The following HELZ2 variants were observed in gnomAD, a reference collection of about 807,000 sequenced individuals.
HELZ2 encodes the protein helicase with zinc finger 2.
In HELZ2, 143 loss-of-function variants were observed where a neutral mutation model predicts 208.8. That is an observed-to-expected ratio of 0.68 (90% CI 0.60 to 0.79). HELZ2 has a LOEUF of 0.79. HELZ2 is among the 30% of genes least tolerant of loss of function. HELZ2 has a pLI of 0.00. For missense variants in HELZ2, 3,690 were observed against 3,794.5 expected (o/e 0.97, Z 0.72); for synonymous variants, 1,705 against 1,693.7 (o/e 1.01, Z -0.16).
At chr20:63,564,291 C>A (rs557874989) in exon 8 of HELZ2, 13 of 1,608,440 alleles carry the variant, frequency 8.1e-6, no homozygotes, top group Non-Finnish European at 1.1e-5. Context: ...CCGTCCTCGT[C>A]CGGCTGCTCA....
At chr20:63,563,145 G>A (rs1353054521) in exon 8 of HELZ2, 7 of 1,594,110 alleles carry the variant, frequency 4.4e-6, no homozygotes, top group South Asian at 1.1e-5. Context: ...AGGAAGCCGT[G>A]CTGCAGGCTG....
chr20:63,572,289 C>A, exon 1 of HELZ2: 1 of 1,586,080 alleles, frequency 6.3e-7, no homozygotes, highest in Non-Finnish European at 8.6e-7. Context: ...GGGGGCTGGC[C>A]AAGGGGGGCC....
At position 63,562,040 on chromosome 20, in the gene HELZ2, G is replaced by A. The variant is rs1008417203; in HGVS notation, c.6529+32C>T. 4.4e-6 allele frequency: 7 copies of A among 1,603,204 alleles called. No homozygotes were observed. In the Admixed American group the frequency reaches 8.4e-5, roughly 19 times the overall value. ...ACCCTGTGGGTCCCTGTGGCCCAAGGCAGCCTGCGGCTCCCCCGGCATGGG... is the reference window on the plus strand; with the variant it reads ...ACCCTGTGGGTCCCTGTGGCCCAAGACAGCCTGCGGCTCCCCCGGCATGGG... On this transcript the variant is annotated intron_variant, in intron 10 of 18. Transcript: ENST00000467148.
chr20:63,559,300 G>A lies in HELZ2; in HGVS notation c.7896C>T (p.Thr2632=), dbSNP rs753726922. 19 of 1,598,394 alleles carry A rather than the reference G, an allele frequency of 1.2e-5. No individual in the cohort carries two copies. In the African/African-American group the frequency reaches 2.0e-4, roughly 17 times the overall value. The change falls in exon 19 of 19, where the codon ACC becomes ACT. Residue 2632 remains threonine (T), a synonymous_variant. Coordinates refer to ENST00000467148, the Ensembl canonical transcript of HELZ2. ...CGCGCACCTGGCCGGCAGGCACGAG[G>A]GTCTGCTGAGCCTCGCAGAAGTCCA... is the stretch of plus-strand genomic sequence containing the variant.
rs768023942 is a variant in HELZ2 at position 63,566,109 on chromosome 20, C to T, written c.2713G>A (p.Ala905Thr). 3.5e-5 allele frequency: 55 copies of T among 1,583,840 alleles called. No homozygotes were observed. The highest frequency in any genetic ancestry group is 4.2e-5 in the Non-Finnish European group (49 of 1,171,852). Residue 905 changes from alanine (A) to threonine (T), a missense_variant, in exon 8 of 19, where the codon GCC becomes ACC. This residue lies in a region of HELZ2 where 2,564 missense variants were observed against 2,580.5 expected (regional missense o/e 0.99). Coordinates refer to ENST00000467148, the Ensembl canonical transcript of HELZ2. ...CCCACTACCACCAGCTGGGACTGGGCGCGGGTCAGGACGGTGTTGAGCACG... is the reference window on the plus strand; with the variant it reads ...CCCACTACCACCAGCTGGGACTGGGTGCGGGTCAGGACGGTGTTGAGCACG...
At chr20:63,566,881 T>A in exon 6 of HELZ2, 2 of 1,606,262 alleles carry the variant, frequency 1.2e-6, no homozygotes, top group Non-Finnish European at 1.7e-6. Flanking sequence ...GCACCTCTGC[T>A]CGCGGCCGCC....
chr20:63,559,527 A>G (rs113836942), intron 18 of HELZ2, among the ~76,000 whole-genome samples, 157 bp from the exon 20 acceptor site: 3,612 of 19,288 alleles, frequency 0.19, 298 homozygotes, highest in East Asian at 0.61. Flanking sequence ...AGTCAGTCAG[A>G]GTCAGGTGGG....
chr20:63,573,776 G>A (rs1389178315), upstream of HELZ2, among the ~76,000 whole-genome samples: 2 of 152,108 alleles, frequency 1.3e-5, no homozygotes, highest in African/African-American at 2.4e-5. The surrounding 1 kb of genome is among the most constrained non-coding windows in gnomAD (Gnocchi z 4.9). Flanking sequence ...ATGGGTCCCC[G>A]GGTCCCCACC....
downstream of HELZ2, chr20:63,558,554 T>C (rs1466747370): frequency 6.6e-6 from 1 of 152,224 alleles, no homozygotes; most frequent in East Asian, 1.9e-4. Context: ...TGTTTTTTTT[T>C]TTAAGACAGG....
exon 8 of HELZ2, chr20:63,564,224 T>C: frequency 6.2e-7 from 1 of 1,612,006 alleles, no homozygotes; most frequent in Non-Finnish European, 8.5e-7. Context: ...CACGAGCCTA[T>C]TAAACTGAAT....
chr20:63,565,625 C>G (rs1400476579), exon 8 of HELZ2: 1 of 1,610,760 alleles, frequency 6.2e-7, no homozygotes, highest in African/African-American at 1.3e-5. Flanking sequence ...GTTGAGCTCC[C>G]CGTCCCACGG....
chr20:63,570,997 T>C, intron 1 of HELZ2, 129 bp from the exon 3 acceptor site: 1 of 711,418 alleles, frequency 1.4e-6, no homozygotes, highest in Non-Finnish European at 2.3e-6. Flanking sequence ...CACCCACTCC[T>C]GTGCTCCCGG....
exon 8 of HELZ2, chr20:63,565,471 C>T (rs200484960): frequency 1.1e-5 from 18 of 1,608,192 alleles, no homozygotes; most frequent in South Asian, 7.7e-5. Flanking sequence ...GCTTCCGTAG[C>T]GCAGCCGGGG....
exon 1 of HELZ2, chr20:63,572,419 C>A (rs1396812645): frequency 2.0e-6 from 3 of 1,466,214 alleles, no homozygotes; most frequent in Non-Finnish European, 2.7e-6. Context: ...GGCAGCGGGA[C>A]TCCCCACGCC....
rs536087131 is a variant in HELZ2, at chr20:63,560,550, G to A, written c.7429C>T (p.Arg2477Trp). 173 of 1,612,882 alleles carry A rather than the reference G, an allele frequency of 1.1e-4. 3 individuals carry two copies. Among genetic ancestry groups the A allele is most frequent in the East Asian group, 1.1e-3 (48 of 44,818 alleles). Residue 2477 changes from arginine (R) to tryptophan (W), a missense_variant, in exon 16 of 19, where the codon CGG becomes TGG. Around this residue, in one of 3 missense-constraint regions of HELZ2, gnomAD observed 2,564 missense variants for 2,580.5 expected, o/e 0.99. Coordinates refer to ENST00000467148, the Ensembl canonical transcript of HELZ2. Reference sequence around the variant, plus strand: ...TCGTCCGTGGACACCAGCAGGCTCCGCTCGTGGCCCTGCACGTGGCCAAAG... The same window carrying A: ...TCGTCCGTGGACACCAGCAGGCTCCACTCGTGGCCCTGCACGTGGCCAAAG...
rs570101866 is a variant in HELZ2 at position 63,565,794 on chromosome 20, G to A, written c.3028C>T (p.Arg1010Cys). 4.1e-5 allele frequency: 65 copies of A among 1,599,760 alleles called. No homozygotes were observed. The South Asian group carries it at 5.1e-4, about 12-fold the overall frequency. ...TGCGCTGTGGTTGCCGTGATGTCAC[G>A]GGATGCTGGGCTCAGAGCCTCATCT... The change falls in exon 8 of 19, where the codon CGT becomes TGT. Residue 1010 changes from arginine (R) to cysteine (C), a missense_variant. By Grantham distance (180) the Arg-to-Cys change is radical. Coordinates refer to ENST00000467148, the Ensembl canonical transcript of HELZ2.
upstream of HELZ2, chr20:63,572,816 C>T (rs1031930985): frequency 1.8e-5 from 3 of 166,876 alleles, no homozygotes; most frequent in East Asian, 1.6e-4. Flanking sequence ...GCACCGGTTT[C>T]GGTGGCGCCG....
rs199683164 is a variant in HELZ2, at chr20:63,567,439, C to A, written c.1919G>T (p.Arg640Leu). ...GGTGGTGGTGACCACCACGCGGTGC[C>A]GCGCCAGCTCTGCCCGTGTGGGCGG... The change falls in exon 6 of 19, where the codon CGG becomes CTG. Residue 640 changes from arginine (R) to leucine (L), a missense_variant. Physicochemically the swap from Arg to Leu is moderately radical, Grantham distance 102. Around this residue, in one of 3 missense-constraint regions of HELZ2, gnomAD observed 1,119 missense variants for 1,193.4 expected, o/e 0.94. Transcript: ENST00000467148. The A allele has an allele frequency of 3.8e-6, 6 of 1,561,274 alleles. No individual in the cohort carries two copies. In the African/African-American group the frequency reaches 5.4e-5, roughly 14 times the overall value.
chr20:63,560,487 C>T (rs2146005727), exon 16 of HELZ2: 1 of 1,610,888 alleles, frequency 6.2e-7, no homozygotes. Flanking sequence ...ACCACCTCAG[C>T]CACCTCCTCC....
Sources: gnomAD v4.1 joint callset for allele counts (sites outside exome capture counted in the v4.1 genomes callset) on GRCh38, gnomAD v4.1.1 for gene constraint, gnomAD v4.1.1 regional missense constraint, Gnocchi (gnomAD v3.1) non-coding constraint, MANE v1.5 for transcripts, NCBI Gene and HGNC (gene_info 2026-07-23, HGNC 2026-07-21) for gene names.